Variants in SNTG1 observed in about 807,000 individuals in gnomAD.
SNTG1 encodes the protein gamma-1-syntrophin.
A neutral mutation model predicts 74.7 loss-of-function variants in SNTG1; 39 were observed. The ratio of observed to expected loss-of-function variants is 0.52; its 90% CI spans 0.40 to 0.68. The LOEUF is 0.68. SNTG1 is among the 30% of genes least tolerant of loss of function. The pLI is 0.00. For missense variants in SNTG1, 685 were observed against 609.5 expected (o/e 1.12, Z -1.30); for synonymous variants, 254 against 217.1 (o/e 1.17, Z -1.49).
chr8:50,329,352 G>A (rs950958815), intron 2 of SNTG1, among the ~76,000 whole-genome samples: 1 of 152,136 alleles, frequency 6.6e-6, no homozygotes, highest in Non-Finnish European at 1.5e-5. Flanking sequence ...TATTGCCCTA[G>A]TAGAGGCTTT....
intron 12 of SNTG1, among the ~76,000 whole-genome samples, chr8:50,574,308 T>C (rs1443440321): frequency 1.3e-5 from 2 of 152,144 alleles, no homozygotes; most frequent in African/African-American, 4.8e-5. Context: ...AAACTCCAGT[T>C]TCTGAAAGAG....
chr8:50,773,297 A>G (rs749925806), intron 18 of SNTG1, among the ~76,000 whole-genome samples: 7 of 152,160 alleles, frequency 4.6e-5, no homozygotes, highest in Non-Finnish European at 1.0e-4. Context: ...AGAAGCTCCA[A>G]TACATTCCTG....
At chr8:50,032,613 G>T (rs1037980816) in intron 1 of SNTG1, among the ~76,000 whole-genome samples, 4 of 152,062 alleles carry the variant, frequency 2.6e-5, no homozygotes, top group Non-Finnish European at 5.9e-5. Context: ...TTCCAGTCGT[G>T]CCCAGGCCCA....
chr8:49,937,376 G>T (rs1020904736), intron 1 of SNTG1, among the ~76,000 whole-genome samples: 18 of 152,128 alleles, frequency 1.2e-4, no homozygotes, highest in African/African-American at 4.1e-4. Context: ...TAGGGGTGGG[G>T]TTCAGCGTGC....
chr8:50,693,436 A>T (rs546426002), intron 15 of SNTG1, among the ~76,000 whole-genome samples: 1 of 152,202 alleles, frequency 6.6e-6, no homozygotes, highest in African/African-American at 2.4e-5. Flanking sequence ...TAACAATTGT[A>T]AATATATAAA....
intron 9 of SNTG1, among the ~76,000 whole-genome samples, chr8:50,529,363 C>G (rs888214201): frequency 4.6e-5 from 7 of 151,790 alleles, no homozygotes; most frequent in Non-Finnish European, 8.8e-5. Flanking sequence ...AGAACAATAT[C>G]TGTTTTTTAG....
At chr8:50,651,841 A>G (rs900473594) in intron 13 of SNTG1, among the ~76,000 whole-genome samples, 1 of 151,548 alleles carries the variant, frequency 6.6e-6, no homozygotes, top group South Asian at 2.1e-4. Flanking sequence ...GTGCAATGGC[A>G]TGATCTCAGC....
chr8:50,502,261 G>C (rs531141410), intron 8 of SNTG1, among the ~76,000 whole-genome samples: 27 of 152,116 alleles, frequency 1.8e-4, no homozygotes, highest in Non-Finnish European at 3.1e-4. Flanking sequence ...AGTGAATTGG[G>C]TCAATTTGCT....
At chr8:50,324,674 C>A (rs115317091) in intron 2 of SNTG1, among the ~76,000 whole-genome samples, 9,928 of 151,912 alleles carry the variant, frequency 0.065, 353 homozygotes, top group African/African-American at 0.072. Flanking sequence ...TATTTTTTGG[C>A]AATATTTTTC....
At chr8:50,164,099 T>G (rs1124670) in intron 1 of SNTG1, 1 of 136,948 alleles carries the variant, frequency 7.3e-6, no homozygotes, top group Non-Finnish European at 1.5e-5. Context: ...TTTCTTTTTT[T>G]TTTTTTTTTT....
intron 2 of SNTG1, among the ~76,000 whole-genome samples, chr8:50,390,913 T>C (rs2131292142): frequency 6.6e-6 from 1 of 152,312 alleles, no homozygotes; most frequent in African/African-American, 2.4e-5. Context: ...TTTTTGCACA[T>C]TGATTTTGTA....
At chr8:50,061,380 T>C (rs1292397486) in intron 1 of SNTG1, among the ~76,000 whole-genome samples, 1 of 152,158 alleles carries the variant, frequency 6.6e-6, no homozygotes, top group Non-Finnish European at 1.5e-5. Flanking sequence ...CCTCTTTTAT[T>C]CCTAATATTG....
intron 17 of SNTG1, among the ~76,000 whole-genome samples, chr8:50,749,721 A>G (rs1391447112): frequency 6.6e-6 from 1 of 152,016 alleles, no homozygotes; most frequent in Non-Finnish European, 1.5e-5. Flanking sequence ...TTAAATCCTG[A>G]GGAACATCTG....
intron 8 of SNTG1, among the ~76,000 whole-genome samples, chr8:50,483,956 T>C (rs1254225243): frequency 6.6e-6 from 1 of 152,216 alleles, no homozygotes; most frequent in Non-Finnish European, 1.5e-5. Flanking sequence ...GCTATGGTTT[T>C]ACTATTATGA....
chr8:50,675,870 C>T (rs762726148), intron 15 of SNTG1, among the ~76,000 whole-genome samples: 20 of 152,032 alleles, frequency 1.3e-4, no homozygotes, highest in Non-Finnish European at 2.6e-4. Context: ...CGAAATCTCT[C>T]AGCATTTGCT....
chr8:50,018,561 T>C (rs893718138), intron 1 of SNTG1, among the ~76,000 whole-genome samples: 5 of 152,008 alleles, frequency 3.3e-5, no homozygotes, highest in African/African-American at 1.2e-4. Context: ...GTAAACGTTC[T>C]TGACTATGTG....
At chr8:50,049,965 T>C (rs984182508) in intron 1 of SNTG1, among the ~76,000 whole-genome samples, 3 of 151,934 alleles carry the variant, frequency 2.0e-5, no homozygotes, top group Non-Finnish European at 4.4e-5. Context: ...AAGCAATGTT[T>C]AGAGGAAAAT....
At chr8:50,181,182 T>C (rs2083193486) in intron 2 of SNTG1, among the ~76,000 whole-genome samples, 1 of 152,190 alleles carries the variant, frequency 6.6e-6, no homozygotes, top group Non-Finnish European at 1.5e-5. Flanking sequence ...TTGGTGGTGA[T>C]TGCTCTGGAC....
At chr8:50,251,263 G>A (rs988460273) in intron 2 of SNTG1, among the ~76,000 whole-genome samples, 4 of 151,994 alleles carry the variant, frequency 2.6e-5, no homozygotes, top group Admixed American at 2.0e-4. Context: ...ACAAAATTTA[G>A]CATTACAGAA....
Sources: allele counts gnomAD v4.1 joint callset (sites outside exome capture counted in the v4.1 genomes callset), GRCh38; gene constraint gnomAD v4.1.1; transcripts MANE v1.5; gene names NCBI Gene and HGNC (gene_info 2026-07-23, HGNC 2026-07-21).